Variants in DENND5B observed in about 807,000 individuals in gnomAD.
DENND5B encodes DENN domain-containing protein 5B.
In DENND5B, 34 loss-of-function variants were observed where a neutral mutation model predicts 140.6. The ratio of observed to expected loss-of-function variants is 0.24; its 90% CI spans 0.18 to 0.32. The LOEUF (loss-of-function observed/expected upper bound fraction) is 0.32. Ranked by LOEUF, DENND5B falls within the 10% of genes least tolerant of loss-of-function variation. The pLI is 1.00. For missense variants in DENND5B, 1,142 were observed against 1,560.2 expected, an observed-to-expected ratio of 0.73 and a Z score of 4.52; for synonymous variants, 551 against 562.1, an observed-to-expected ratio of 0.98 and a Z score of 0.28.
rs1243228485 is a variant in DENND5B, at chr12:31,399,673, T to C, written c.3049A>G (p.Ile1017Val). ...LVDCVMVRNEITGHTYRFPCG... is the reference protein window; with the variant it reads ...LVDCVMVRNEVTGHTYRFPCG... Reference sequence around the variant, plus strand: ...ACTTACCTGTATGTATGTCCTGTGATTTCATTTCTGACCATGACACAATCC... The same window carrying C: ...ACTTACCTGTATGTATGTCCTGTGACTTCATTTCTGACCATGACACAATCC... The change falls in exon 16 of 21, where the codon ATC becomes GTC. Residue 1017 changes from isoleucine (I) to valine (V), a missense_variant. This residue lies in a region of DENND5B where 268 missense variants were observed against 349.2 expected (regional missense o/e 0.77). Coordinates refer to ENST00000389082, the MANE Select transcript of DENND5B (RefSeq NM_144973.4). 35 of 1,613,688 alleles carry C rather than the reference T, an allele frequency of 2.2e-5. No homozygotes were observed. Among genetic ancestry groups the C allele is most frequent in the Non-Finnish European group, 3.0e-5 (35 of 1,179,786 alleles).
intron 2 of DENND5B, among the ~76,000 whole-genome samples, chr12:31,489,817 G>A (rs898655811): frequency 1.3e-5 from 2 of 152,200 alleles, no homozygotes; most frequent in Admixed American, 1.3e-4. Flanking sequence ...GAAGGTGATG[G>A]TCAGGAGCAG....
At chr12:31,443,001 C>T (rs1189087806) in intron 6 of DENND5B, 76 bp from the exon 7 acceptor site, 3 of 1,368,212 alleles carry the variant, frequency 2.2e-6, no homozygotes, top group Non-Finnish European at 9.9e-7. Flanking sequence ...TCCACTCATG[C>T]ACCTACAGAG....
chr12:31,418,310 T>C (rs1942861333), intron 11 of DENND5B, among the ~76,000 whole-genome samples: 2 of 143,890 alleles, frequency 1.4e-5, no homozygotes, highest in South Asian at 4.5e-4. Context: ...AGATAGGGTC[T>C]CACTCTTGTC....
At chr12:31,558,060 A>G (rs1444949631) in intron 1 of DENND5B, among the ~76,000 whole-genome samples, 1 of 152,134 alleles carries the variant, frequency 6.6e-6, no homozygotes, top group Admixed American at 6.6e-5. Flanking sequence ...TAGAAAAAAA[A>G]GTCTAAAAAC....
intron 13 of DENND5B, among the ~76,000 whole-genome samples, chr12:31,409,733 C>G (rs1942345143): frequency 6.6e-6 from 1 of 152,106 alleles, no homozygotes. Flanking sequence ...TCTGCCTCGG[C>G]CTCCCAAAGT....
At chr12:31,458,941 G>A (rs964503467) in intron 4 of DENND5B, among the ~76,000 whole-genome samples, 8 of 152,132 alleles carry the variant, frequency 5.3e-5, no homozygotes, top group South Asian at 2.1e-4. Flanking sequence ...GGCCAGGCAC[G>A]GTGGCTCATG....
intron 1 of DENND5B, among the ~76,000 whole-genome samples, chr12:31,529,796 T>C (rs1948220136): frequency 6.6e-6 from 1 of 152,080 alleles, no homozygotes; most frequent in Admixed American, 6.5e-5. Flanking sequence ...TCAGTTTTTA[T>C]TAAGAATCTC....
chr12:31,430,920 C>G (rs568296211), intron 8 of DENND5B, among the ~76,000 whole-genome samples: 1 of 152,282 alleles, frequency 6.6e-6, no homozygotes, highest in South Asian at 2.1e-4. Flanking sequence ...CAAAAGGCCT[C>G]TCTTCACAGC....
At chr12:31,499,685 C>A in intron 1 of DENND5B, 1 of 1,435,592 alleles carries the variant, frequency 7.0e-7, no homozygotes, top group Non-Finnish European at 9.1e-7. Flanking sequence ...CATAATGTAA[C>A]AGAAACAAAA....
intron 1 of DENND5B, among the ~76,000 whole-genome samples, chr12:31,513,309 A>G (rs879492609): frequency 5.9e-5 from 9 of 152,168 alleles, no homozygotes; most frequent in Admixed American, 3.9e-4. Flanking sequence ...TCTCCACAGA[A>G]AAGTTCTTTT....
At chr12:31,506,147 T>C (rs1947192785) in intron 1 of DENND5B, among the ~76,000 whole-genome samples, 1 of 152,232 alleles carries the variant, frequency 6.6e-6, no homozygotes, top group Non-Finnish European at 1.5e-5. Context: ...GTTAAGATTT[T>C]AGTAAGAGTA....
In DENND5B at chr12:31,382,984, C is replaced by G. The variant is rs1272968176; in HGVS notation, c.*4619G>C. 6.6e-6 allele frequency: 1 copy of G among 151,966 alleles called. No individual in the cohort carries two copies. The highest frequency in any genetic ancestry group is 2.4e-5 in the African/African-American group (1 of 41,380). 9.4% of individuals were successfully genotyped at this position (151,966 alleles called of 1,614,324 possible). A position where few individuals can be genotyped will look rare whatever the true frequency, so the allele number is the denominator to read the frequency against. Reference sequence around the variant, plus strand: ...ATGCTAAACAGTAAAGTAATAAATACTTATATAAGAAACAGACTTCAAAAG... The same window carrying G: ...ATGCTAAACAGTAAAGTAATAAATAGTTATATAAGAAACAGACTTCAAAAG... On this transcript the variant is annotated 3_prime_UTR_variant, in exon 21 of 21. Coordinates refer to ENST00000389082, the MANE Select transcript of DENND5B (RefSeq NM_144973.4).
In DENND5B at chr12:31,591,077, G is replaced by A. The variant is rs930657845; in HGVS notation, c.-245C>T. On this transcript the variant is annotated 5_prime_UTR_variant, in exon 1 of 21. Transcript: ENST00000389082. ...GGTGGGGGAGGGGCGCGGGGGGAGT[G>A]TCGGCCTGAGAGGCCCTCGCAGCCG... 4.2e-4 allele frequency: 74 copies of A among 175,348 alleles called. No homozygotes were observed. The highest frequency in any genetic ancestry group is 1.7e-3 in the African/African-American group (68 of 41,088). 10.9% of individuals were successfully genotyped at this position (175,348 alleles called of 1,614,324 possible). A position where few individuals can be genotyped will look rare whatever the true frequency, so the allele number is the denominator to read the frequency against.
At chr12:31,428,487 T>C (rs1173851229) in intron 8 of DENND5B, among the ~76,000 whole-genome samples, 1 of 150,974 alleles carries the variant, frequency 6.6e-6, no homozygotes, top group Non-Finnish European at 1.5e-5. Context: ...CTGCTACCTC[T>C]GCCTCCCAGG....
chr12:31,428,556 C>G (rs1401228068), intron 8 of DENND5B, among the ~76,000 whole-genome samples: 1 of 151,100 alleles, frequency 6.6e-6, no homozygotes, highest in Non-Finnish European at 1.5e-5. Context: ...CACGCGCCAC[C>G]ATGCCCAGCT....
intron 1 of DENND5B, among the ~76,000 whole-genome samples, chr12:31,570,230 A>G (rs1015568416): frequency 1.2e-4 from 18 of 152,024 alleles, no homozygotes; most frequent in Admixed American, 7.9e-4. Context: ...AGAGAAAAAA[A>G]TTATAAGCAA....
At chr12:31,403,708 C>A (rs1327807928) in intron 14 of DENND5B, among the ~76,000 whole-genome samples, 1 of 151,054 alleles carries the variant, frequency 6.6e-6, no homozygotes, top group African/African-American at 2.4e-5. Flanking sequence ...CCAGGCTGAC[C>A]AACACGGTGA....
intron 4 of DENND5B, among the ~76,000 whole-genome samples, chr12:31,456,815 G>A (rs1169644050): frequency 6.6e-6 from 1 of 152,202 alleles, no homozygotes; most frequent in African/African-American, 2.4e-5. Context: ...GCCAGATGCT[G>A]TGGATGATGC....
At position 31,384,304 on chromosome 12, in the gene DENND5B, T is replaced by C. The variant is rs1234169705; in HGVS notation, c.*3299A>G. 1 of 152,196 alleles carries C rather than the reference T, an allele frequency of 6.6e-6. No homozygotes were observed. The highest frequency in any genetic ancestry group is 2.4e-5 in the African/African-American group (1 of 41,452). 9.4% of individuals were successfully genotyped at this position (152,196 alleles called of 1,614,324 possible). On this transcript the variant is annotated 3_prime_UTR_variant, in exon 21 of 21. Coordinates refer to ENST00000389082, the MANE Select transcript of DENND5B (RefSeq NM_144973.4). ...TCCCAAGCAGCTGGGACTACAGGTGTGTACTGCCATGCCCAACATGTCTTA... is the reference window on the plus strand; with the variant it reads ...TCCCAAGCAGCTGGGACTACAGGTGCGTACTGCCATGCCCAACATGTCTTA...
Sources: gnomAD v4.1 joint callset for allele counts (sites outside exome capture counted in the v4.1 genomes callset) on GRCh38, gnomAD v4.1.1 for gene constraint, gnomAD v4.1.1 regional missense constraint, MANE v1.5 for transcripts, NCBI Gene and HGNC (gene_info 2026-07-23, HGNC 2026-07-21) for gene names.